Variants in TRAPPC9 observed in about 807,000 individuals in gnomAD.
TRAPPC9 encodes the protein IKK2 binding protein.
Under a neutral mutation model 124.0 loss-of-function variants are expected in TRAPPC9, and 83 were observed. The observed-to-expected ratio is 0.67, with a 90% CI of 0.56 to 0.80. The LOEUF (loss-of-function observed/expected upper bound fraction) is 0.80, where lower values mean the gene tolerates loss of function less well. Among genes scored for constraint, TRAPPC9 ranks in the 30% least tolerant of loss-of-function variants. TRAPPC9 has a pLI of 0.00. For synonymous variants in TRAPPC9, 638 were observed against 617.5 expected, an observed-to-expected ratio of 1.03 and a Z score of -0.49; for missense variants, 1,302 against 1,508.3, an observed-to-expected ratio of 0.86 and a Z score of 2.27.
At chr8:140,134,330 G>A (rs940422380) in intron 17 of TRAPPC9, among the ~76,000 whole-genome samples, 1 of 152,044 alleles carries the variant, frequency 6.6e-6, no homozygotes, top group Non-Finnish European at 1.5e-5. Context: ...GCTGTGGTGT[G>A]ATCTTGACTC....
At chr8:139,975,234 G>A (rs1836365452) in intron 19 of TRAPPC9, among the ~76,000 whole-genome samples, 1 of 152,228 alleles carries the variant, frequency 6.6e-6, no homozygotes, top group Non-Finnish European at 1.5e-5. Flanking sequence ...GGCAGCACTA[G>A]AGACAGTGGC....
At chr8:140,405,436 G>A (rs2069455403) in intron 6 of TRAPPC9, 141 bp downstream of exon 6, 1 of 851,868 alleles carries the variant, frequency 1.2e-6, no homozygotes, top group African/African-American at 1.7e-5. Flanking sequence ...TAGGCATATA[G>A]TACTATGCAT....
chr8:139,900,204 G>A (rs546094910), intron 20 of TRAPPC9, among the ~76,000 whole-genome samples: 19 of 152,342 alleles, frequency 1.2e-4, no homozygotes, highest in Admixed American at 5.9e-4. Flanking sequence ...GCCCGTGTGC[G>A]TGTGTGCCTG....
At chr8:140,419,608 G>A (rs991984202) in intron 5 of TRAPPC9, among the ~76,000 whole-genome samples, 2 of 151,596 alleles carry the variant, frequency 1.3e-5, no homozygotes, top group Admixed American at 6.6e-5. Context: ...GGAAGAGGCC[G>A]GGTGCGGTGG....
upstream of TRAPPC9, chr8:140,458,247 T>C: frequency 6.4e-7 from 1 of 1,551,272 alleles, no homozygotes; most frequent in South Asian, 1.2e-5. Flanking sequence ...GCGGCGCAGC[T>C]GGAAGGAGGC....
intron 17 of TRAPPC9, among the ~76,000 whole-genome samples, chr8:140,059,547 C>T (rs1220270680): frequency 1.3e-5 from 2 of 152,198 alleles, no homozygotes; most frequent in Non-Finnish European, 2.9e-5. Context: ...AAAGTAGCCA[C>T]ACCATTGTAC....
At chr8:140,403,539 C>T (rs1236409860) in intron 6 of TRAPPC9, among the ~76,000 whole-genome samples, 1 of 152,084 alleles carries the variant, frequency 6.6e-6, no homozygotes, top group East Asian at 1.9e-4. Context: ...AGCCAATGCA[C>T]TCAGCTGTAT....
At chr8:140,238,024 G>A (rs771544281) in intron 16 of TRAPPC9, among the ~76,000 whole-genome samples, 2 of 152,182 alleles carry the variant, frequency 1.3e-5, no homozygotes, top group Non-Finnish European at 2.9e-5. Context: ...GTGATCCGTA[G>A]AAATCATCCC....
chr8:140,271,979 A>ATGGTGG (rs1230597490), intron 15 of TRAPPC9, among the ~76,000 whole-genome samples: 1 of 144,372 alleles, frequency 6.9e-6, no homozygotes, highest in East Asian at 2.0e-4. Flanking sequence ...GATGGCAGTA[A>ATGGTGG]TGGTGGTGGT....
chr8:140,307,763 C>T (rs866688851), intron 10 of TRAPPC9, among the ~76,000 whole-genome samples: 1 of 152,148 alleles, frequency 6.6e-6, no homozygotes, highest in Non-Finnish European at 1.5e-5. Flanking sequence ...TTTTTGCTTC[C>T]CTATTAAGCA....
intron 17 of TRAPPC9, among the ~76,000 whole-genome samples, chr8:140,166,119 G>C (rs140081887): frequency 6.6e-6 from 1 of 152,276 alleles, no homozygotes; most frequent in Non-Finnish European, 1.5e-5. Context: ...ACCTCAGTGC[G>C]ATAACACTCA....
intron 12 of TRAPPC9, among the ~76,000 whole-genome samples, chr8:140,290,713 C>T (rs529507118): frequency 5.9e-5 from 9 of 152,224 alleles, no homozygotes; most frequent in African/African-American, 1.4e-4. Flanking sequence ...ACGTAAGCTT[C>T]GAAATTATTA....
At chr8:139,866,674 A>T (rs1457767246) in intron 21 of TRAPPC9, among the ~76,000 whole-genome samples, 1 of 152,194 alleles carries the variant, frequency 6.6e-6, no homozygotes, top group East Asian at 1.9e-4. Flanking sequence ...GGGACAAACC[A>T]TAAGGAACTG....
chr8:140,120,892 ACATT>A (rs918998011), intron 17 of TRAPPC9, among the ~76,000 whole-genome samples: 7 of 150,772 alleles, frequency 4.6e-5, no homozygotes, highest in Admixed American at 1.3e-4. Flanking sequence ...CAACATCTAT[ACATT>A]CATTCATTCA....
intron 9 of TRAPPC9, among the ~76,000 whole-genome samples, chr8:140,314,483 C>A (rs1648323330): frequency 6.6e-6 from 1 of 152,166 alleles, no homozygotes; most frequent in East Asian, 1.9e-4. Context: ...TCTTCTAGAT[C>A]TTTTGAAATA....
At chr8:140,021,165 C>G (rs113227898) in intron 18 of TRAPPC9, among the ~76,000 whole-genome samples, 2 of 152,090 alleles carry the variant, frequency 1.3e-5, no homozygotes, top group East Asian at 1.9e-4. Flanking sequence ...TTTGACTGTA[C>G]GTTCCTTGTT....
At chr8:139,888,588 G>A (rs1830152769) in intron 20 of TRAPPC9, among the ~76,000 whole-genome samples, 1 of 152,146 alleles carries the variant, frequency 6.6e-6, no homozygotes, top group Non-Finnish European at 1.5e-5. Flanking sequence ...CACCATTTCT[G>A]TTGCCTCGAA....
intron 7 of TRAPPC9, among the ~76,000 whole-genome samples, chr8:140,391,378 A>T (rs899596107): frequency 7.2e-5 from 11 of 152,220 alleles, no homozygotes. Flanking sequence ...CCTTACTACC[A>T]CTTTCTCTTA....
chr8:139,796,670 T>C (rs766199353), intron 21 of TRAPPC9, among the ~76,000 whole-genome samples: 3 of 152,252 alleles, frequency 2.0e-5, no homozygotes, highest in African/African-American at 4.8e-5. Flanking sequence ...TGAGCATTTG[T>C]GTTATTTTCA....
Sources: allele counts gnomAD v4.1 joint callset (sites outside exome capture counted in the v4.1 genomes callset), GRCh38; gene constraint gnomAD v4.1.1; transcripts MANE v1.5; gene names NCBI Gene and HGNC (gene_info 2026-07-23, HGNC 2026-07-21).